The following BDP1 variants were observed in gnomAD, a reference collection of about 807,000 sequenced individuals.
The protein encoded by BDP1 is transcription factor TFIIIB component B'' homolog.
In BDP1, 169 loss-of-function variants were observed where a neutral mutation model predicts 266.6. That is an observed-to-expected ratio of 0.63 (90% CI 0.56 to 0.72). The LOEUF (loss-of-function observed/expected upper bound fraction) is 0.72, where lower values mean the gene tolerates loss of function less well. Among genes scored for constraint, BDP1 ranks in the 30% least tolerant of loss-of-function variants. The probability of loss-of-function intolerance (pLI) is 0.00; values close to 1 mark genes in which losing one functional copy is unlikely to be tolerated. For synonymous variants in BDP1, 1,090 were observed against 1,022.4 expected, an observed-to-expected ratio of 1.07 and a Z score of -1.26; for missense variants, 3,015 against 3,053.8, an observed-to-expected ratio of 0.99 and a Z score of 0.30.
intron 23 of BDP1, 95 bp from the exon 24 acceptor site, chr5:71,522,661 T>C (rs970839315): frequency 4.8e-6 from 6 of 1,249,304 alleles, no homozygotes; most frequent in Non-Finnish European, 4.5e-6. Context: ...CTTGTAGATA[T>C]GTGTAAACTT....
intron 1 of BDP1, among the ~76,000 whole-genome samples, chr5:71,456,960 C>T (rs925279913): frequency 2.0e-5 from 3 of 152,192 alleles, no homozygotes; most frequent in African/African-American, 7.2e-5. Flanking sequence ...ATTTTTGGAA[C>T]ATCTTCCTCT....
chr5:71,535,363 T>C (rs1267579352), intron 26 of BDP1, among the ~76,000 whole-genome samples: 8 of 151,842 alleles, frequency 5.3e-5, no homozygotes, highest in African/African-American at 1.9e-4. Flanking sequence ...CGCCACCACA[T>C]CCAACTAATT....
chr5:71,542,032 C>T, intron 29 of BDP1, 73 bp from the exon 30 acceptor site: 1 of 1,249,504 alleles, frequency 8.0e-7, no homozygotes, highest in Non-Finnish European at 1.1e-6. Flanking sequence ...TCTATCAGTG[C>T]TAGACAGACT....
chr5:71,516,657 A>G (rs1487716419), intron 21 of BDP1, among the ~76,000 whole-genome samples: 1 of 152,196 alleles, frequency 6.6e-6, no homozygotes, highest in Admixed American at 6.5e-5. Flanking sequence ...TATTCACTGA[A>G]TACTATGTTA....
At chr5:71,535,295 C>T (rs1766524821) in intron 26 of BDP1, among the ~76,000 whole-genome samples, 2 of 151,956 alleles carry the variant, frequency 1.3e-5, no homozygotes, top group African/African-American at 4.8e-5. Flanking sequence ...CCCTCCGCCT[C>T]CCAGTTTCAA....
intron 5 of BDP1, among the ~76,000 whole-genome samples, chr5:71,466,736 A>C (rs940933580): frequency 6.6e-5 from 10 of 152,186 alleles, no homozygotes; most frequent in African/African-American, 2.4e-4. Context: ...TGTGGAATTT[A>C]GTTGTCTTAA....
At chr5:71,539,687 T>G (rs546607219) in intron 28 of BDP1, 38 bp downstream of exon 28, 1 of 1,410,810 alleles carries the variant, frequency 7.1e-7, no homozygotes, top group African/African-American at 1.4e-5. Flanking sequence ...AAATAGAAAC[T>G]TTTAAAACCT....
In BDP1 at chr5:71,560,027, CACTGACA is replaced by C. The variant is rs1419771948; in HGVS notation, c.7290_7296del (p.Thr2431GlnfsTer36). On this transcript the variant is annotated frameshift_variant, in exon 37 of 39. Coordinates refer to ENST00000358731, the MANE Select transcript of BDP1 (RefSeq NM_018429.3). LOFTEE classifies it high-confidence loss of function. ...GATATTTTTCTTACCTCAGGAAGCACACTGACAACTCCAGAACCTCAAAGACAGCAAG... is the reference window on the plus strand; with the variant it reads ...GATATTTTTCTTACCTCAGGAAGCACACTCCAGAACCTCAAAGACAGCAAG... 3.1e-6 allele frequency: 5 copies of C among 1,613,784 alleles called. No individual in the cohort carries two copies. The Admixed American group carries it at 8.3e-5, about 27-fold the overall frequency.
At chr5:71,544,248 G>C in intron 30 of BDP1, 109 bp from the exon 31 acceptor site, 1 of 983,076 alleles carries the variant, frequency 1.0e-6, no homozygotes, top group South Asian at 1.9e-5. Flanking sequence ...AGAGAAGTTT[G>C]GAAGAGTCAC....
chr5:71,502,814 A>G, intron 15 of BDP1, 23 bp downstream of exon 15: 1 of 1,592,258 alleles, frequency 6.3e-7, no homozygotes. Flanking sequence ...ATTCCTCCTC[A>G]CATTTTTGGT....
intron 1 of BDP1, among the ~76,000 whole-genome samples, chr5:71,457,719 TC>T (rs561646172): frequency 1.2e-3 from 185 of 152,340 alleles, no homozygotes; most frequent in Non-Finnish European, 2.1e-3. Context: ...AATGCATGTA[TC>T]CATAACAGCT....
chr5:71,495,246 T>G lies in BDP1; in HGVS notation c.1641-4T>G, dbSNP rs751385471. 1 of 1,518,400 alleles carries G rather than the reference T, an allele frequency of 6.6e-7. No homozygotes were observed. 94.1% of individuals were successfully genotyped at this position (1,518,400 alleles called of 1,614,324 possible). ...TTCTCTCTGAAATATTTTCTTTTTT[T>G]TAGTAATCAACAAGATGCCACATCA... On this transcript the variant is annotated splice_region_variant and splice_polypyrimidine_tract_variant and intron_variant, in intron 11 of 38. Transcript: ENST00000358731.
Position 71,524,101 on chromosome 5 carries a change from G to A in BDP1, c.5550G>A (p.Arg1850=), listed in dbSNP as rs202201042. Residue 1850 remains arginine, a synonymous_variant, in exon 25 of 39, where the codon CGG becomes CGA. Coordinates refer to ENST00000358731, the MANE Select transcript of BDP1 (RefSeq NM_018429.3). ...VTRGRGSKRV[R]GKTSKKEPRA... ...GAGGTCGTGGATCAAAACGAGTTCGGGGTAAGACCTCTAAGAAGGAACCTA... is the reference window on the plus strand; with the variant it reads ...GAGGTCGTGGATCAAAACGAGTTCGAGGTAAGACCTCTAAGAAGGAACCTA... 2.5e-6 allele frequency: 4 copies of A among 1,614,164 alleles called. No homozygotes were observed. The highest frequency in any genetic ancestry group is 3.4e-6 in the Non-Finnish European group (4 of 1,180,038).
rs769717696 is a variant in BDP1, at chr5:71,456,037, C to T, written c.160C>T (p.Pro54Ser). Residue 54 changes from proline to serine, a missense_variant, in exon 1 of 39, where the codon CCC becomes TCC. This residue lies in a region of BDP1 where 2,383 missense variants were observed against 2,404.9 expected (regional missense o/e 0.99). Coordinates refer to ENST00000358731, the MANE Select transcript of BDP1 (RefSeq NM_018429.3). ...ASKPAEPTDV[P>S]TVDFGGAEPQ... ...CAAGCCCGCGGAGCCCACAGATGTGCCCACAGTCGATTTCGGTGGAGCGGA... is the reference window on the plus strand; with the variant it reads ...CAAGCCCGCGGAGCCCACAGATGTGTCCACAGTCGATTTCGGTGGAGCGGA... 22 of 1,613,404 alleles carry T rather than the reference C, an allele frequency of 1.4e-5. 1 individual carries two copies. The South Asian group carries it at 2.4e-4, about 18-fold the overall frequency.
intron 5 of BDP1, 86 bp downstream of exon 5, chr5:71,466,307 G>T: frequency 6.9e-7 from 1 of 1,457,128 alleles, no homozygotes; most frequent in Non-Finnish European, 9.4e-7. Context: ...TTTCTGTATT[G>T]GCCTTTGTCA....
chr5:71,533,729 G>A (rs540490501), intron 26 of BDP1, among the ~76,000 whole-genome samples: 95 of 152,020 alleles, frequency 6.2e-4, no homozygotes, highest in Admixed American at 9.8e-4. Flanking sequence ...CTTCCAAAGT[G>A]TTGGGATTAC....
At chr5:71,568,951 T>G (rs371518199), downstream of BDP1, among the ~76,000 whole-genome samples, 3 of 152,368 alleles carry the variant, frequency 2.0e-5, no homozygotes, top group East Asian at 3.9e-4. Context: ...TTAATTTTTC[T>G]TACTGGAATG....
chr5:71,494,347 A>T (rs781255344), intron 11 of BDP1: 6 of 152,248 alleles, frequency 3.9e-5, no homozygotes, highest in Non-Finnish European at 8.8e-5. Flanking sequence ...ATTTTGTGAC[A>T]GAGTCTTGCT....
At chr5:71,477,266 T>A (rs1193861595) in intron 7 of BDP1, among the ~76,000 whole-genome samples, 1 of 151,926 alleles carries the variant, frequency 6.6e-6, no homozygotes, top group Non-Finnish European at 1.5e-5. Context: ...CAAGCAATCC[T>A]CCTGCCTCAG....
Sources: gnomAD v4.1 joint callset for allele counts (sites outside exome capture counted in the v4.1 genomes callset) on GRCh38, gnomAD v4.1.1 for gene constraint, gnomAD v4.1.1 regional missense constraint, MANE v1.5 for transcripts, NCBI Gene and HGNC (gene_info 2026-07-23, HGNC 2026-07-21) for gene names.